Variants in IMMP2L observed in about 807,000 individuals in gnomAD.
IMMP2L encodes inner mitochondrial membrane peptidase subunit 2.
Under a neutral mutation model 19.3 loss-of-function variants are expected in IMMP2L, and 18 were observed. The ratio of observed to expected loss-of-function variants is 0.93; its 90% confidence interval spans 0.64 to 1.38. The LOEUF is 1.38. Among genes scored for constraint, IMMP2L ranks in the 40% most tolerant of loss-of-function variants. IMMP2L has a pLI of 0.00. For synonymous variants in IMMP2L, 76 were observed against 73.0 expected (o/e 1.04, Z -0.21); for missense variants, 233 against 218.2 (o/e 1.07, Z -0.43).
intron 5 of IMMP2L, among the ~76,000 whole-genome samples, chr7:110,852,199 A>AGGATGGATGGATGGAT (rs35319498): frequency 1.3e-5 from 2 of 148,748 alleles, no homozygotes; most frequent in African/African-American, 2.5e-5. Context: ...GGTGGATGGA[A>AGGATGGATGGATGGAT]GGATGGATGG....
chr7:111,270,596 G>C (rs577569794), intron 3 of IMMP2L, among the ~76,000 whole-genome samples: 2 of 152,188 alleles, frequency 1.3e-5, no homozygotes, highest in Admixed American at 6.5e-5. Context: ...GAGCAAATTA[G>C]CTGTCAAAAC....
rs138256146 is a variant in IMMP2L, at chr7:111,152,462, G to A, written c.240-188897C>T. ...CACATCACATTTTAGCACTGCATTT[G>A]TTTATTTCTCACACTAGCAACTTCT... On this transcript the variant is annotated intron_variant, in intron 3 of 5. Coordinates refer to ENST00000405709, the MANE Select transcript of IMMP2L (RefSeq NM_032549.4). 1.4e-4 allele frequency among the ~76,000 whole-genome samples: 21 copies of A among 152,216 alleles called. No homozygotes were observed. The East Asian group carries it at 4.1e-3, about 29-fold the overall frequency.
At chr7:110,716,549 C>T (rs1795246951) in intron 5 of IMMP2L, among the ~76,000 whole-genome samples, 1 of 152,146 alleles carries the variant, frequency 6.6e-6, no homozygotes, top group South Asian at 2.1e-4. Context: ...ATTTCTTCTT[C>T]ACTTATGAAG....
chr7:110,721,534 G>GCAAA (rs199979630), intron 5 of IMMP2L, among the ~76,000 whole-genome samples: 3 of 151,560 alleles, frequency 2.0e-5, no homozygotes, highest in Admixed American at 2.0e-4. Context: ...TGACAAACAA[G>GCAAA]CAAACAAACA....
At chr7:111,163,888 T>C (rs1204225993) in intron 3 of IMMP2L, among the ~76,000 whole-genome samples, 4 of 152,016 alleles carry the variant, frequency 2.6e-5, no homozygotes, top group Admixed American at 2.6e-4. Context: ...TTACCTTAAC[T>C]ACAGATGTAA....
intron 2 of IMMP2L, among the ~76,000 whole-genome samples, chr7:111,505,057 T>G (rs1248935400): frequency 1.3e-5 from 2 of 151,932 alleles, no homozygotes; most frequent in Non-Finnish European, 2.9e-5. Context: ...GGGAAAAAAT[T>G]TTCGCAACCT....
intron 5 of IMMP2L, among the ~76,000 whole-genome samples, chr7:110,836,171 G>A (rs1005303860): frequency 3.3e-5 from 5 of 152,148 alleles, no homozygotes; most frequent in Non-Finnish European, 7.3e-5. Flanking sequence ...AAATGATAAG[G>A]TTAGGTTAAT....
chr7:110,677,751 AATAG>A (rs1163376528), intron 5 of IMMP2L, among the ~76,000 whole-genome samples: 1 of 152,196 alleles, frequency 6.6e-6, no homozygotes, highest in African/African-American at 2.4e-5. Flanking sequence ...AGAAAAAAAA[AATAG>A]ATAGAAAGCA....
At chr7:110,993,773 C>A (rs1025378379) in intron 3 of IMMP2L, among the ~76,000 whole-genome samples, 2 of 152,048 alleles carry the variant, frequency 1.3e-5, no homozygotes, top group African/African-American at 2.4e-5. Context: ...TGCCAAAACC[C>A]CCAAACAACC....
At chr7:111,464,971 T>C (rs1470298796) in intron 3 of IMMP2L, among the ~76,000 whole-genome samples, 1 of 151,998 alleles carries the variant, frequency 6.6e-6, no homozygotes, top group Non-Finnish European at 1.5e-5. Context: ...TTCTTGTATT[T>C]TTAGTAGAGA....
At chr7:110,962,838 T>C in intron 4 of IMMP2L, 3 of 1,239,870 alleles carry the variant, frequency 2.4e-6, no homozygotes, top group South Asian at 7.2e-5. Context: ...TCAAAGCATT[T>C]TGGCTACCAC....
chr7:111,275,879 T>C (rs1018637567), intron 3 of IMMP2L, among the ~76,000 whole-genome samples: 1 of 152,156 alleles, frequency 6.6e-6, no homozygotes, highest in Non-Finnish European at 1.5e-5. Context: ...CTGATTCCTG[T>C]ATATTAATTT....
chr7:111,449,187 G>A (rs1375426468), intron 3 of IMMP2L, among the ~76,000 whole-genome samples: 4 of 145,974 alleles, frequency 2.7e-5, no homozygotes, highest in Admixed American at 6.8e-5. Context: ...GAAAAAGAGG[G>A]AATCCTCCCT....
At chr7:111,395,031 G>T in intron 3 of IMMP2L, 2 of 232,574 alleles carry the variant, frequency 8.6e-6, no homozygotes, top group South Asian at 1.7e-4. Context: ...GCCACCTGAT[G>T]AGTATCCTTT....
chr7:111,536,232 T>A (rs1847875406), intron 1 of IMMP2L, among the ~76,000 whole-genome samples: 1 of 152,168 alleles, frequency 6.6e-6, no homozygotes, highest in Non-Finnish European at 1.5e-5. Flanking sequence ...TTTATTTAAG[T>A]AATACCATGA....
At chr7:111,096,255 G>A (rs1797385497) in intron 3 of IMMP2L, among the ~76,000 whole-genome samples, 1 of 151,898 alleles carries the variant, frequency 6.6e-6, no homozygotes, top group Admixed American at 6.6e-5. Flanking sequence ...TTAGAGACTT[G>A]CTAGCATGTT....
chr7:111,332,272 G>GA (rs1171321490), intron 3 of IMMP2L, among the ~76,000 whole-genome samples: 5 of 151,742 alleles, frequency 3.3e-5, no homozygotes, highest in African/African-American at 1.2e-4. Context: ...GGTTACTAGA[G>GA]AAAGAAGCCA....
At chr7:111,497,593 G>A (rs912213461) in intron 2 of IMMP2L, among the ~76,000 whole-genome samples, 2 of 151,976 alleles carry the variant, frequency 1.3e-5, no homozygotes, top group African/African-American at 4.8e-5. Context: ...AGGAAAGACA[G>A]GACGGAAGAA....
At chr7:110,834,954 T>C (rs1389161628) in intron 5 of IMMP2L, among the ~76,000 whole-genome samples, 1 of 152,044 alleles carries the variant, frequency 6.6e-6, no homozygotes, top group Non-Finnish European at 1.5e-5. Context: ...CTCAGAAGAA[T>C]GGATGCCAGG....
Sources: gnomAD v4.1 joint callset for allele counts (sites outside exome capture counted in the v4.1 genomes callset) on GRCh38, gnomAD v4.1.1 for gene constraint, MANE v1.5 for transcripts, NCBI Gene and HGNC (gene_info 2026-07-23, HGNC 2026-07-21) for gene names.